GARIN1A: variants seen among roughly 807,000 people sequenced by gnomAD.
The protein encoded by GARIN1A is golgi associated RAB2 interactor 1A.
the GARIN1A span, among the ~76,000 whole-genome samples, chr7:128,690,029 T>G: frequency 6.6e-6 from 1 of 152,334 alleles, no homozygotes; most frequent in African/African-American, 2.4e-5. Context: ...CAGAAAGAAG[T>G]AGACATGGGA....
At chr7:128,693,118 C>G in the GARIN1A span, among the ~76,000 whole-genome samples, 1 of 152,216 alleles carries the variant, frequency 6.6e-6, no homozygotes, top group African/African-American at 2.4e-5. Flanking sequence ...ATTTATTTCC[C>G]CATTGGGGAT....
the GARIN1A span, chr7:128,691,631 G>T: frequency 0.27 from 41,112 of 152,082 alleles, 5,920 homozygotes; most frequent in East Asian, 0.54. Flanking sequence ...GGGACCTCTG[G>T]TCGTCCCCAC....
chr7:128,678,979 T>A, the GARIN1A span, among the ~76,000 whole-genome samples: 4 of 151,470 alleles, frequency 2.6e-5, no homozygotes, highest in Non-Finnish European at 2.9e-5. Flanking sequence ...TATATACATA[T>A]GTAACGATTG....
the GARIN1A span, chr7:128,677,848 TA>T: frequency 6.6e-7 from 1 of 1,510,786 alleles, no homozygotes; most frequent in Non-Finnish European, 9.0e-7. Flanking sequence ...TGTCGAGAAA[TA>T]AGTATATATA....
At chr7:128,681,936 C>CA in the GARIN1A span, among the ~76,000 whole-genome samples, 1 of 149,836 alleles carries the variant, frequency 6.7e-6, no homozygotes, top group East Asian at 2.0e-4. Context: ...CTCCCCCAGG[C>CA]ACTAGCTATC....
the GARIN1A span, among the ~76,000 whole-genome samples, chr7:128,671,679 G>A: frequency 6.6e-6 from 1 of 150,674 alleles, no homozygotes; most frequent in African/African-American, 2.4e-5. Flanking sequence ...AATAATTGCT[G>A]TGTTTAACAA....
chr7:128,676,685 AATACTAGAT>A, the GARIN1A span, among the ~76,000 whole-genome samples: 1 of 151,948 alleles, frequency 6.6e-6, no homozygotes, highest in African/African-American at 2.4e-5. Flanking sequence ...TTGAAAAAAA[AATACTAGAT>A]ATACAGGAGA....
chr7:128,707,828 A>G, the GARIN1A span, among the ~76,000 whole-genome samples: 1 of 152,120 alleles, frequency 6.6e-6, no homozygotes, highest in East Asian at 1.9e-4. Context: ...CATTAGGTCC[A>G]TGCATGCTCT....
chr7:128,691,395 G>GT, the GARIN1A span: 1 of 152,180 alleles, frequency 6.6e-6, no homozygotes, highest in African/African-American at 2.4e-5. Flanking sequence ...CCTCCCTTGT[G>GT]GTGACATAAG....
chr7:128,707,055 A>G, the GARIN1A span, among the ~76,000 whole-genome samples: 8 of 151,760 alleles, frequency 5.3e-5, no homozygotes, highest in East Asian at 1.4e-3. Flanking sequence ...TTATTGAGGT[A>G]TGATTGAGAT....
the GARIN1A span, among the ~76,000 whole-genome samples, chr7:128,699,087 C>T: frequency 6.6e-6 from 1 of 152,130 alleles, no homozygotes; most frequent in Non-Finnish European, 1.5e-5. Flanking sequence ...TTATAGTCAT[C>T]TCTAACTCTT....
chr7:128,672,076 G>T, the GARIN1A span, among the ~76,000 whole-genome samples: 13 of 152,120 alleles, frequency 8.5e-5, no homozygotes, highest in Non-Finnish European at 4.4e-5. Context: ...TTCCATGTGG[G>T]GTAAGGCTGA....
the GARIN1A span, among the ~76,000 whole-genome samples, chr7:128,703,504 T>C: frequency 1.3e-5 from 2 of 152,178 alleles, no homozygotes; most frequent in Non-Finnish European, 2.9e-5. Context: ...TATCAAAATG[T>C]ACAGGGCAGG....
At chr7:128,688,352 C>T in the GARIN1A span, among the ~76,000 whole-genome samples, 1 of 152,072 alleles carries the variant, frequency 6.6e-6, no homozygotes, top group South Asian at 2.1e-4. Flanking sequence ...AACTTCTAGA[C>T]CAAACAGTAA....
At chr7:128,677,662 T>A in the GARIN1A span, 2 of 1,613,790 alleles carry the variant, frequency 1.2e-6, no homozygotes, top group East Asian at 2.2e-5. Flanking sequence ...TATCTGAAGC[T>A]CCACGAAAAA....
the GARIN1A span, among the ~76,000 whole-genome samples, chr7:128,700,304 G>A: frequency 6.3e-3 from 894 of 142,840 alleles, 6 homozygotes; most frequent in Middle Eastern, 0.011. Flanking sequence ...TTTTTGAAAC[G>A]GAGTCTCTCT....
At chr7:128,677,401 G>A in the GARIN1A span, among the ~76,000 whole-genome samples, 2 of 151,642 alleles carry the variant, frequency 1.3e-5, no homozygotes, top group African/African-American at 4.8e-5. Flanking sequence ...CAGCTACTCA[G>A]GAGGCTGAGG....
At chr7:128,672,457 TG>T in the GARIN1A span, 2 of 1,609,062 alleles carry the variant, frequency 1.2e-6, no homozygotes, top group Non-Finnish European at 1.7e-6. Context: ...GAGTGGAACT[TG>T]GGGTGGAAAA....
At chr7:128,679,708 T>C in the GARIN1A span, among the ~76,000 whole-genome samples, 1 of 152,144 alleles carries the variant, frequency 6.6e-6, no homozygotes, top group Non-Finnish European at 1.5e-5. Flanking sequence ...GCTTTCCTCC[T>C]CTCACTTAAG....
Sources: allele counts gnomAD v4.1 joint callset (sites outside exome capture counted in the v4.1 genomes callset), GRCh38; gene constraint gnomAD v4.1.1; transcripts MANE v1.5; gene names NCBI Gene and HGNC (gene_info 2026-07-23, HGNC 2026-07-21).